FOXP1: variants seen among roughly 807,000 people sequenced by gnomAD.
The protein encoded by FOXP1 is forkhead box protein P1.
Under a neutral mutation model 98.2 loss-of-function variants are expected in FOXP1, and 15 were observed. That is an observed-to-expected ratio of 0.15 (90% CI 0.10 to 0.24). The LOEUF (loss-of-function observed/expected upper bound fraction) is 0.24. Ranked by LOEUF, FOXP1 falls within the 10% of genes least tolerant of loss-of-function variation. The pLI is 1.00. For synonymous variants in FOXP1, 371 were observed against 314.5 expected, an observed-to-expected ratio of 1.18 and a Z score of -1.90; for missense variants, 633 against 848.5, an observed-to-expected ratio of 0.75 and a Z score of 3.15.
intron 7 of FOXP1, among the ~76,000 whole-genome samples, chr3:71,054,652 C>T (rs1030176868): frequency 6.6e-6 from 1 of 152,204 alleles, no homozygotes; most frequent in Non-Finnish European, 1.5e-5. Context: ...AAAATAATCA[C>T]TGCACTTGTG....
intron 2 of FOXP1, among the ~76,000 whole-genome samples, chr3:71,505,837 C>T (rs549732255): frequency 1.3e-4 from 20 of 152,160 alleles, no homozygotes; most frequent in Non-Finnish European, 2.9e-4. Context: ...TTCCCCTCCA[C>T]GAATGTCACC....
At chr3:71,313,534 CTT>C (rs569229839) in intron 4 of FOXP1, among the ~76,000 whole-genome samples, 1 of 145,332 alleles carries the variant, frequency 6.9e-6, no homozygotes. Context: ...ATTTCTTTTT[CTT>C]TTTTTTTTTG....
chr3:71,515,424 T>C (rs1258453938), intron 2 of FOXP1, among the ~76,000 whole-genome samples: 1 of 104,470 alleles, frequency 9.6e-6, no homozygotes, highest in Non-Finnish European at 1.9e-5. Flanking sequence ...TTGATCAAAA[T>C]TTACACAGCA....
chr3:71,339,501 C>A (rs543445690), intron 4 of FOXP1, among the ~76,000 whole-genome samples: 1 of 152,226 alleles, frequency 6.6e-6, no homozygotes, highest in Admixed American at 6.5e-5. Flanking sequence ...TTCAGCGTAT[C>A]AGTGTCTCAC....
intron 13 of FOXP1, among the ~76,000 whole-genome samples, chr3:70,995,531 G>C (rs1216592206): frequency 6.6e-6 from 1 of 152,162 alleles, no homozygotes; most frequent in African/African-American, 2.4e-5. Flanking sequence ...AAAAAGCCAT[G>C]TATGTCATCG....
chr3:70,975,484 T>C (rs1163100859), intron 17 of FOXP1, among the ~76,000 whole-genome samples: 4 of 152,258 alleles, frequency 2.6e-5, no homozygotes, highest in Admixed American at 6.5e-5. Context: ...TTTAAAATGC[T>C]AATTTATCAG....
chr3:71,093,262 A>C lies in FOXP1; in HGVS notation c.282+19274T>G, dbSNP rs1305127785. On this transcript the variant is annotated intron_variant, in intron 7 of 20. Transcript: ENST00000649528. The stretch of plus-strand genomic sequence containing the variant: ...GAGCAAGACTCCATTTCAAAAAATA[A>C]AAATAAAAATGAAAAAAAAAAAAAT... 3.4e-5 allele frequency among the ~76,000 whole-genome samples: 3 copies of C among 87,492 alleles called. No homozygotes were observed. In the Admixed American group the frequency reaches 4.6e-4, roughly 13 times the overall value. 57.4% of individuals were successfully genotyped at this position (87,492 alleles called of 152,430 possible).
chr3:71,578,640 G>A (rs1449852535), intron 2 of FOXP1, among the ~76,000 whole-genome samples: 1 of 152,196 alleles, frequency 6.6e-6, no homozygotes, highest in Non-Finnish European at 1.5e-5. Context: ...TGTCACATCT[G>A]CTATATTCCT....
At chr3:70,972,901 G>T (rs2036571934) in intron 17 of FOXP1, among the ~76,000 whole-genome samples, 1 of 151,988 alleles carries the variant, frequency 6.6e-6, no homozygotes, top group Non-Finnish European at 1.5e-5. Flanking sequence ...CTAGTCTCTG[G>T]TAATAACTGA....
intron 4 of FOXP1, among the ~76,000 whole-genome samples, chr3:71,340,553 A>C (rs2076952833): frequency 6.6e-6 from 1 of 152,240 alleles, no homozygotes; most frequent in African/African-American, 2.4e-5. Flanking sequence ...AAAAATAAAA[A>C]GCATATTTTT....
intron 3 of FOXP1, among the ~76,000 whole-genome samples, chr3:71,366,868 T>A (rs2078963418): frequency 6.6e-6 from 1 of 152,200 alleles, no homozygotes; most frequent in South Asian, 2.1e-4. Context: ...ATAAATTAAA[T>A]TTTCATACTT....
chr3:71,003,495 G>A (rs1482449804), intron 12 of FOXP1, among the ~76,000 whole-genome samples: 1 of 151,860 alleles, frequency 6.6e-6, no homozygotes, highest in African/African-American at 2.4e-5. Context: ...GAAGCCAGAA[G>A]GAAGGCAAAG....
rs373162739 is a variant in FOXP1 at position 71,190,596 on chromosome 3, T to C, written c.180+7606A>G. Among the ~76,000 whole-genome samples, 413 of 134,742 alleles carry C rather than the reference T, an allele frequency of 3.1e-3. 5 individuals carry two copies. Among genetic ancestry groups the C allele is most frequent in the African/African-American group, 0.012 (399 of 34,418 alleles). The allele number at this position is 134,742 out of a possible 152,430, so 88.4% of individuals were successfully genotyped here. ...GTAAGCCATGATCGCAACCCTGTAC[T>C]CTCTGTACTCTAACCTGGGTGACCG... On this transcript the variant is annotated intron_variant, in intron 6 of 20. Transcript: ENST00000649528.
intron 2 of FOXP1, among the ~76,000 whole-genome samples, chr3:71,564,052 TA>T (rs2046734301): frequency 6.6e-6 from 1 of 152,250 alleles, no homozygotes; most frequent in African/African-American, 2.4e-5. Flanking sequence ...CACTTCCTGT[TA>T]CTTGCACCTG....
In FOXP1 at chr3:70,959,176, C is replaced by T. The variant is rs2106851046; in HGVS notation, c.*71G>A. ...CAACAAATGGAGAACAATTTCACTG[C>T]TAACTTTTGACGTGTTTTTTTTTTT... On this transcript the variant is annotated 3_prime_UTR_variant, in exon 21 of 21. Transcript: ENST00000649528. 1 of 1,557,912 alleles carries T rather than the reference C, an allele frequency of 6.4e-7. No homozygotes were observed. The highest frequency in any genetic ancestry group is 8.8e-7 in the Non-Finnish European group (1 of 1,133,712).
At chr3:71,546,389 A>G (rs890560198) in intron 2 of FOXP1, among the ~76,000 whole-genome samples, 3 of 152,164 alleles carry the variant, frequency 2.0e-5, no homozygotes, top group Non-Finnish European at 4.4e-5. Context: ...ACAAAACCGA[A>G]GAGCTATTTT....
intron 2 of FOXP1, among the ~76,000 whole-genome samples, chr3:71,546,780 C>A (rs191858163): frequency 6.6e-6 from 1 of 152,196 alleles, no homozygotes; most frequent in South Asian, 2.1e-4. Flanking sequence ...CCACTCTAAA[C>A]GGACGATGAT....
intron 3 of FOXP1, among the ~76,000 whole-genome samples, chr3:71,407,977 C>T (rs1049101710): frequency 1.1e-4 from 17 of 152,078 alleles, no homozygotes; most frequent in African/African-American, 4.1e-4. Flanking sequence ...CTTTGAGACC[C>T]TGTGCTTGAT....
At chr3:71,257,729 G>A (rs957620349) in intron 5 of FOXP1, among the ~76,000 whole-genome samples, 6 of 152,160 alleles carry the variant, frequency 3.9e-5, no homozygotes, top group Non-Finnish European at 7.3e-5. Flanking sequence ...ATTTCCAGGG[G>A]CCACAGCAAA....
Sources: allele counts gnomAD v4.1 joint callset (sites outside exome capture counted in the v4.1 genomes callset), GRCh38; gene constraint gnomAD v4.1.1; transcripts MANE v1.5; gene names NCBI Gene and HGNC (gene_info 2026-07-23, HGNC 2026-07-21).